Variants in CEP128 observed in about 807,000 individuals in gnomAD.
CEP128 encodes the protein centrosomal protein 128kDa.
Under a neutral mutation model 156.7 loss-of-function variants are expected in CEP128, and 132 were observed. The observed-to-expected ratio is 0.84, with a 90% confidence interval of 0.73 to 0.97. The LOEUF is 0.97. Among genes scored for constraint, CEP128 ranks in the 50% least tolerant of loss-of-function variants. The pLI, the probability that CEP128 is intolerant of heterozygous loss-of-function variation, is 0.00. For missense variants in CEP128, 1,252 were observed against 1,281.9 expected (o/e 0.98, Z 0.36); for synonymous variants, 469 against 448.9 (o/e 1.04, Z -0.57).
At chr14:80,905,014 C>A (rs1883804633) in intron 5 of CEP128, 83 bp from the exon 6 acceptor site, 2 of 808,528 alleles carry the variant, frequency 2.5e-6, no homozygotes, top group Non-Finnish European at 2.2e-6. Context: ...ACAAACATGG[C>A]AGACATGGAT....
intron 24 of CEP128, 140 bp downstream of exon 24, chr14:80,504,772 T>C (rs554740279): frequency 3.0e-4 from 104 of 352,136 alleles, no homozygotes; most frequent in Non-Finnish European, 4.9e-4. Context: ...TGAATATCCT[T>C]GAACATTTTT....
chr14:80,883,069 T>A (rs945337953), intron 8 of CEP128, among the ~76,000 whole-genome samples: 19 of 152,162 alleles, frequency 1.2e-4, no homozygotes, highest in African/African-American at 3.9e-4. Flanking sequence ...TTTGTAACAC[T>A]AAGGATAAAC....
intron 8 of CEP128, among the ~76,000 whole-genome samples, chr14:80,868,599 A>C (rs228123): frequency 0.012 from 1,789 of 152,230 alleles, 49 homozygotes; most frequent in African/African-American, 0.041. Flanking sequence ...AGAAACTATA[A>C]AACATTCAGA....
rs182790736 is a variant in CEP128 at position 80,823,495 on chromosome 14, G to A, written c.1209+7648C>T. On this transcript the variant is annotated intron_variant, in intron 13 of 24. Coordinates refer to ENST00000555265, the MANE Select transcript of CEP128 (RefSeq NM_152446.5). ...ATTTTTGGCAGTCCACTGAAGAAGG[G>A]AATTTGAAAGTTGTTGTATACTGTT... Among the ~76,000 whole-genome samples, 4 of 152,026 alleles carry A rather than the reference G, an allele frequency of 2.6e-5. No homozygotes were observed. The East Asian group carries it at 5.8e-4, about 22-fold the overall frequency.
chr14:80,489,019 G>C (rs1887237454), downstream of CEP128, among the ~76,000 whole-genome samples: 2 of 151,226 alleles, frequency 1.3e-5, no homozygotes, highest in Admixed American at 6.6e-5. Flanking sequence ...AGCATTAGGA[G>C]ATATACCTAA....
chr14:80,546,306 C>G (rs1007260439), intron 21 of CEP128, among the ~76,000 whole-genome samples: 1 of 152,134 alleles, frequency 6.6e-6, no homozygotes, highest in African/African-American at 2.4e-5. Flanking sequence ...AGGAAACAGG[C>G]TTGGAGAGGT....
intron 4 of CEP128, among the ~76,000 whole-genome samples, chr14:80,906,971 T>C (rs1883918439): frequency 6.6e-6 from 1 of 152,130 alleles, no homozygotes; most frequent in Non-Finnish European, 1.5e-5. Context: ...ACTCTTTAAG[T>C]AGAATGTCAA....
chr14:80,583,162 G>T (rs557466858), intron 19 of CEP128, among the ~76,000 whole-genome samples: 4 of 152,044 alleles, frequency 2.6e-5, no homozygotes, highest in Non-Finnish European at 5.9e-5. Context: ...AAATACATAC[G>T]GGTCATACTA....
At chr14:80,751,597 TA>T in intron 18 of CEP128, among the ~76,000 whole-genome samples, 2 of 151,322 alleles carry the variant, frequency 1.3e-5, no homozygotes, top group South Asian at 4.2e-4. Context: ...TATTGCTAAA[TA>T]AACCAAAACA....
intron 14 of CEP128, among the ~76,000 whole-genome samples, chr14:80,789,951 C>T (rs1006917881): frequency 1.3e-5 from 2 of 151,682 alleles, no homozygotes; most frequent in African/African-American, 4.8e-5. Context: ...CTAATACATA[C>T]TCTAGCATTT....
intron 23 of CEP128, among the ~76,000 whole-genome samples, chr14:80,523,253 G>A (rs1284795279): frequency 6.6e-6 from 1 of 152,216 alleles, no homozygotes; most frequent in Non-Finnish European, 1.5e-5. Flanking sequence ...ATCTACAACT[G>A]AAATTCTAAT....
intron 21 of CEP128, among the ~76,000 whole-genome samples, chr14:80,554,641 A>C (rs1890351391): frequency 6.6e-6 from 1 of 152,046 alleles, no homozygotes; most frequent in African/African-American, 2.4e-5. Context: ...ATAATTAGAA[A>C]ATTATTCAGA....
intron 19 of CEP128, among the ~76,000 whole-genome samples, chr14:80,624,362 T>C (rs1330202213): frequency 6.6e-6 from 1 of 152,210 alleles, no homozygotes; most frequent in African/African-American, 2.4e-5. Context: ...GTCTTAGCTA[T>C]TATGAATAGA....
chr14:80,755,173 T>C (rs1899590987), intron 18 of CEP128, among the ~76,000 whole-genome samples: 1 of 152,180 alleles, frequency 6.6e-6, no homozygotes, highest in African/African-American at 2.4e-5. Context: ...GCCTACATTT[T>C]TCTCCCATGC....
intron 10 of CEP128, among the ~76,000 whole-genome samples, chr14:80,839,990 C>T (rs917891531): frequency 6.6e-6 from 1 of 152,064 alleles, no homozygotes; most frequent in Non-Finnish European, 1.5e-5. Context: ...TAACATACTT[C>T]GCTTACCCTA....
At chr14:80,701,120 G>T (rs1320225093) in intron 19 of CEP128, among the ~76,000 whole-genome samples, 1 of 152,142 alleles carries the variant, frequency 6.6e-6, no homozygotes, top group Non-Finnish European at 1.5e-5. Flanking sequence ...TCTAGACTCA[G>T]AAAAGAGATT....
chr14:80,540,428 C>A lies in CEP128; in HGVS notation c.2881-9542G>T, dbSNP rs961196619. On this transcript the variant is annotated intron_variant, in intron 21 of 24. Coordinates refer to ENST00000555265, the MANE Select transcript of CEP128 (RefSeq NM_152446.5). Reference sequence around the variant, plus strand: ...GTAAGGATAAACTCAGGGCCAAGGCCCTAAGGAGGGCACCTGTGTGGCACT... The same window carrying A: ...GTAAGGATAAACTCAGGGCCAAGGCACTAAGGAGGGCACCTGTGTGGCACT... Among the ~76,000 whole-genome samples the A allele has an allele frequency of 6.6e-5, 10 of 152,196 alleles. 4 individuals carry two copies. Among genetic ancestry groups the A allele is most frequent in the Admixed American group, 6.5e-4 (10 of 15,288 alleles).
chr14:80,858,412 C>T (rs1454786889), intron 9 of CEP128, among the ~76,000 whole-genome samples: 21 of 123,456 alleles, frequency 1.7e-4, no homozygotes, highest in African/African-American at 5.7e-4. Context: ...GGATTAAAGA[C>T]TTAAACGTTA....
chr14:80,749,388 C>G (rs1197883373), intron 18 of CEP128, among the ~76,000 whole-genome samples: 1 of 152,120 alleles, frequency 6.6e-6, no homozygotes, highest in Non-Finnish European at 1.5e-5. Flanking sequence ...AATTGTCCAT[C>G]GACAGACAAA....
Sources: allele counts gnomAD v4.1 joint callset (sites outside exome capture counted in the v4.1 genomes callset), GRCh38; gene constraint gnomAD v4.1.1; transcripts MANE v1.5; gene names NCBI Gene and HGNC (gene_info 2026-07-23, HGNC 2026-07-21).